The following PZP variants were observed in gnomAD, a reference collection of about 807,000 sequenced individuals.
PZP encodes the protein PZP alpha-2-macroglobulin like.
Under a neutral mutation model 179.8 loss-of-function variants are expected in PZP, and 150 were observed. The observed-to-expected ratio is 0.83, with a 90% CI of 0.73 to 0.96. The LOEUF (loss-of-function observed/expected upper bound fraction) is 0.96, where lower values mean the gene tolerates loss of function less well. Ranked by LOEUF, PZP falls within the 40% of genes least tolerant of loss-of-function variation. The probability of loss-of-function intolerance (pLI) is 0.00; values close to 1 mark genes in which losing one functional copy is unlikely to be tolerated. For synonymous variants in PZP, 624 were observed against 652.3 expected (o/e 0.96, Z 0.66); for missense variants, 1,689 against 1,764.0 (o/e 0.96, Z 0.76).
intron 25 of PZP, among the ~76,000 whole-genome samples, chr12:9,159,564 A>G (rs1266532435): frequency 1.3e-5 from 2 of 152,120 alleles, no homozygotes; most frequent in Non-Finnish European, 2.9e-5. Flanking sequence ...TTAAAGGGCT[A>G]TCATGACAGT....
chr12:9,202,599 G>A lies in PZP; in HGVS notation c.353C>T (p.Thr118Ile), dbSNP rs1269760091. 1 of 1,614,114 alleles carries A rather than the reference G, an allele frequency of 6.2e-7. No individual in the cohort carries two copies. Among genetic ancestry groups the A allele is most frequent in the Admixed American group, 1.7e-5 (1 of 60,018 alleles). Residue 118 changes from threonine (T) to isoleucine (I), a missense_variant, in exon 3 of 36, where the codon ACA (threonine) becomes ATA (isoleucine). By Grantham distance (89) the Thr-to-Ile change is moderately conservative. Coordinates refer to ENST00000261336, the MANE Select transcript of PZP (RefSeq NM_002864.3). ...GPTQDFRKRN[T>I]VLVLNTQSLV... The stretch of plus-strand genomic sequence containing the variant: ...ACTTTGGGTGTTCAGTACCAGAACT[G>A]TGTTCCTCTTCCTGAAATCTTGCGT...
the PZP span, among the ~76,000 whole-genome samples, chr12:9,141,241 T>C: frequency 6.6e-6 from 1 of 152,198 alleles, no homozygotes; most frequent in African/African-American, 2.4e-5. Context: ...ATAACATATG[T>C]ATGCAAATAT....
chr12:9,165,922 G>A, intron 18 of PZP, 130 bp downstream of exon 18: 2 of 1,139,544 alleles, frequency 1.8e-6, no homozygotes, highest in South Asian at 3.1e-5. Context: ...TTTTACTTAG[G>A]TCTATCCTAA....
chr12:9,201,601 C>A (rs1944164787), intron 4 of PZP, among the ~76,000 whole-genome samples: 1 of 152,088 alleles, frequency 6.6e-6, no homozygotes, highest in Admixed American at 6.5e-5. Flanking sequence ...ATTATTGAAT[C>A]TTTAAGTATT....
chr12:9,160,985 CA>C lies in PZP; in HGVS notation c.2872+47del, dbSNP rs753922221. The C allele has an allele frequency of 6.6e-6, 9 of 1,373,006 alleles. No homozygotes were observed. In the Admixed American group the frequency reaches 1.5e-4, roughly 23 times the overall value. 85.1% of individuals were successfully genotyped at this position (1,373,006 alleles called of 1,614,324 possible). On this transcript the variant is annotated intron_variant, in intron 23 of 35. Transcript: ENST00000261336. ...AATACAAATACGTAGATAAGATGTA[CA>C]GTGGCAACTCTTTTGGCCCAGGTTT... is the stretch of plus-strand genomic sequence containing the variant.
At chr12:9,151,918 G>T (rs1226957949) in intron 32 of PZP, among the ~76,000 whole-genome samples, 27 of 152,118 alleles carry the variant, frequency 1.8e-4, no homozygotes, top group Admixed American at 1.8e-3. Flanking sequence ...ATATCAGTCA[G>T]TTTGGGATTT....
rs751199798 is a variant in PZP, at chr12:9,188,077, A to G, written c.1546+4116T>C. 2.0e-5 allele frequency among the ~76,000 whole-genome samples: 3 copies of G among 152,360 alleles called. No individual in the cohort carries two copies. The South Asian group carries it at 6.2e-4, about 32-fold the overall frequency. On this transcript the variant is annotated intron_variant, in intron 13 of 35. Coordinates refer to ENST00000261336, the MANE Select transcript of PZP (RefSeq NM_002864.3). ...CATTGATGCAAAAATCCTCAACAAA[A>G]TATTTGCAAACCAATATTCCTGATG...
At chr12:9,142,131 C>A in the PZP span, among the ~76,000 whole-genome samples, 1 of 152,094 alleles carries the variant, frequency 6.6e-6, no homozygotes, top group Non-Finnish European at 1.5e-5. Flanking sequence ...ATATATGATT[C>A]TTTTTTGTAT....
At chr12:9,150,576 G>GAT (rs1472486567) in intron 34 of PZP, 68 bp downstream of exon 34, 4 of 1,047,364 alleles carry the variant, frequency 3.8e-6, no homozygotes, top group Non-Finnish European at 5.8e-6. Context: ...CTAAGAAGAG[G>GAT]ATCAACTGTC....
At chr12:9,152,348 C>A in intron 31 of PZP, 38 bp from the exon 32 acceptor site, 1 of 1,543,758 alleles carries the variant, frequency 6.5e-7, no homozygotes, top group Non-Finnish European at 9.0e-7. Context: ...GGGTTTTATA[C>A]GTGAAAGAAA....
intron 26 of PZP, 126 bp from the exon 27 acceptor site, chr12:9,157,967 C>T: frequency 1.2e-6 from 1 of 831,074 alleles, no homozygotes; most frequent in African/African-American, 1.7e-5. Context: ...TTCTCTCTCT[C>T]TCTCTCGACA....
chr12:9,148,096 A>G (rs1019590221), downstream of PZP, among the ~76,000 whole-genome samples: 15 of 152,190 alleles, frequency 9.9e-5, no homozygotes, highest in African/African-American at 3.4e-4. Flanking sequence ...ATGTTTAAAA[A>G]TTACTTTAGA....
chr12:9,141,069 G>T, the PZP span, among the ~76,000 whole-genome samples: 1 of 152,158 alleles, frequency 6.6e-6, no homozygotes, highest in African/African-American at 2.4e-5. Context: ...GTTTATGGAT[G>T]ACAAAAAGTT....
chr12:9,158,874 G>C (rs1940968419), intron 25 of PZP, among the ~76,000 whole-genome samples: 1 of 147,854 alleles, frequency 6.8e-6, no homozygotes, highest in African/African-American at 2.5e-5. Context: ...TTTCTTGGTT[G>C]GTTAACTAAG....
chr12:9,189,059 A>C (rs769211041), intron 13 of PZP, among the ~76,000 whole-genome samples: 5 of 152,220 alleles, frequency 3.3e-5, no homozygotes, highest in Non-Finnish European at 5.9e-5. Flanking sequence ...TATCATGAAA[A>C]TGGTCATATT....
chr12:9,166,995 T>A (rs1311048227), intron 17 of PZP: 1 of 152,200 alleles, frequency 6.6e-6, no homozygotes, highest in Non-Finnish European at 1.5e-5. Flanking sequence ...AAAAATATAT[T>A]TCTAGCAATT....
At chr12:9,197,633 T>A in intron 7 of PZP, among the ~76,000 whole-genome samples, 1 of 68,430 alleles carries the variant, frequency 1.5e-5, no homozygotes, top group African/African-American at 6.1e-5. Flanking sequence ...TATTATATTA[T>A]ATATTATATT....
Position 9,151,638 on chromosome 12 carries a change from A to G in PZP, c.4247T>C (p.Val1416Ala). The G allele has an allele frequency of 6.2e-7, 1 of 1,614,012 alleles. No homozygotes were observed. The highest frequency in any genetic ancestry group is 8.5e-7 in the Non-Finnish European group (1 of 1,179,930). The part of the protein sequence containing the change: ...ERSSSVSRTE[V>A]SNNHVLIYVE... ...ATAAATGAGGACATGGTTGTTGCTC[A>G]CTTCTGTCCGGCTCACAGAGCTAGA... The change falls in exon 33 of 36, where the codon GTG becomes GCG. Residue 1416 changes from valine (V) to alanine (A), a missense_variant. Val to Ala is a moderately conservative substitution (Grantham distance 64, BLOSUM62 0). This residue lies in a region of PZP where 746 missense variants were observed against 749.2 expected (regional missense o/e 1.00). Coordinates refer to ENST00000261336, the MANE Select transcript of PZP (RefSeq NM_002864.3).
chr12:9,162,370 A>G (rs1941271486), intron 22 of PZP: 1 of 486,724 alleles, frequency 2.1e-6, no homozygotes, highest in East Asian at 3.6e-5. Context: ...GTATGAACCA[A>G]GAAAGCCCAG....
Sources: gnomAD v4.1 joint callset for allele counts (sites outside exome capture counted in the v4.1 genomes callset) on GRCh38, gnomAD v4.1.1 for gene constraint, gnomAD v4.1.1 regional missense constraint, MANE v1.5 for transcripts, NCBI Gene and HGNC (gene_info 2026-07-23, HGNC 2026-07-21) for gene names.